Variants in RDH11 observed in about 807,000 individuals in gnomAD.
RDH11 encodes HCV core-binding protein HCBP12.
In RDH11, 19 loss-of-function variants were observed where a neutral mutation model predicts 33.4. The ratio of observed to expected loss-of-function variants is 0.57; its 90% CI spans 0.40 to 0.83. The LOEUF (loss-of-function observed/expected upper bound fraction) is 0.83. Among genes scored for constraint, RDH11 ranks in the 40% least tolerant of loss-of-function variants. The probability of loss-of-function intolerance (pLI) is 0.00; values close to 1 mark genes in which losing one functional copy is unlikely to be tolerated. For missense variants in RDH11, 353 were observed against 389.0 expected (o/e 0.91, Z 0.78); for synonymous variants, 154 against 155.3 (o/e 0.99, Z 0.06).
At position 67,678,495 on chromosome 14, in the gene RDH11, T is replaced by C. The variant is rs1349037595; in HGVS notation, c.855-72A>G. ...TCTGCCATCTGCCAGGGATAAGGAA[T>C]ATGACATAAAAACAACTAGGGATCA... On this transcript the variant is annotated intron_variant, in intron 6 of 6. Coordinates refer to ENST00000381346, the MANE Select transcript of RDH11 (RefSeq NM_016026.4). The C allele has an allele frequency of 1.6e-5, 16 of 1,020,882 alleles. No individual in the cohort carries two copies. In the East Asian group the frequency reaches 3.8e-4, roughly 25 times the overall value. 63.2% of individuals were successfully genotyped at this position (1,020,882 alleles called of 1,614,324 possible).
Position 67,690,490 on chromosome 14 carries a change from G to T in RDH11, c.455-69C>A, listed in dbSNP as rs1209816623. On this transcript the variant is annotated intron_variant, in intron 4 of 6. Transcript: ENST00000381346. ...GAATGACAGGAGTCGTGGTGAGCAG[G>T]CCTCACCTATGGGAGGCAGATAATT... is the stretch of plus-strand genomic sequence containing the variant. The T allele has an allele frequency of 4.5e-6, 6 of 1,323,260 alleles. No individual in the cohort carries two copies. The South Asian group carries it at 6.0e-5, about 13-fold the overall frequency. The allele number at this position is 1,323,260 out of a possible 1,614,324, so 82.0% of individuals were successfully genotyped here.
At position 67,690,207 on chromosome 14, in the gene RDH11, C is replaced by A. The variant is rs1337265786; in HGVS notation, c.664+5G>T. ...TGTCTCCACATTCATTTCCTCTAGG[C>A]CCACCTTTTAGTCTCCGGGCCAGTT... On this transcript the variant is annotated splice_donor_5th_base_variant and intron_variant, in intron 5 of 6. Coordinates refer to ENST00000381346, the MANE Select transcript of RDH11 (RefSeq NM_016026.4). 6.2e-7 allele frequency: 1 copy of A among 1,611,928 alleles called. No individual in the cohort carries two copies. Among genetic ancestry groups the A allele is most frequent in the Non-Finnish European group, 8.5e-7 (1 of 1,179,364 alleles).
chr14:67,677,195 G>T lies in RDH11; in HGVS notation c.*1126C>A, dbSNP rs1314793806. On this transcript the variant is annotated 3_prime_UTR_variant, in exon 7 of 7. Transcript: ENST00000381346. ...CCTTTGGCAGCATTACTTTTGATAA[G>T]AAGTCTCCAAATAAAATACAAAATT... 1.3e-5 allele frequency: 2 copies of T among 151,794 alleles called. No homozygotes were observed. The highest frequency in any genetic ancestry group is 4.8e-5 in the African/African-American group (2 of 41,386). 9.4% of individuals were successfully genotyped at this position (151,794 alleles called of 1,614,324 possible).
chr14:67,683,557 C>G (rs961216077), intron 6 of RDH11, among the ~76,000 whole-genome samples: 1 of 152,174 alleles, frequency 6.6e-6, no homozygotes, highest in African/African-American at 2.4e-5. Context: ...CACCTTTTCC[C>G]CTCAATATAG....
At chr14:67,691,275 T>C (rs2037747168) in intron 3 of RDH11, 31 bp from the exon 4 acceptor site, 2 of 1,527,320 alleles carry the variant, frequency 1.3e-6, no homozygotes, top group African/African-American at 1.4e-5. Context: ...AGCGTGGAAG[T>C]GGCTAGCCAA....
At position 67,677,337 on chromosome 14, in the gene RDH11, GTTTT is replaced by G. The variant is rs1231814480; in HGVS notation, c.*980_*983del. The G allele has an allele frequency of 8.5e-4, 20 of 23,454 alleles. No individual in the cohort carries two copies. The highest frequency in any genetic ancestry group is 5.4e-3 in the Admixed American group (16 of 2,978). The allele number at this position is 23,454 out of a possible 1,614,324, so 1.5% of individuals were successfully genotyped here. A position where few individuals can be genotyped will look rare whatever the true frequency, so the allele number is the denominator to read the frequency against. On this transcript the variant is annotated 3_prime_UTR_variant, in exon 7 of 7. Coordinates refer to ENST00000381346, the MANE Select transcript of RDH11 (RefSeq NM_016026.4). The stretch of plus-strand genomic sequence containing the variant: ...AGATAATTTTTCTGAATGAAGAATT[GTTTT>G]TTTTGTTTGTTTGTTTTTAGGATTT...
chr14:67,691,976 T>G (rs1226294202), intron 3 of RDH11: 1 of 156,420 alleles, frequency 6.4e-6, no homozygotes, highest in African/African-American at 2.4e-5. Context: ...CATCTATGTC[T>G]AAAGAGATGG....
intron 6 of RDH11, among the ~76,000 whole-genome samples, chr14:67,681,208 G>C (rs765645366): frequency 1.3e-5 from 2 of 152,228 alleles, no homozygotes; most frequent in Non-Finnish European, 2.9e-5. Context: ...GGCTCAGAGA[G>C]AAGGCATCCA....
rs372111179 is a variant in RDH11, at chr14:67,691,251, G to A, written c.350-7C>T. 1.7e-5 allele frequency: 28 copies of A among 1,606,038 alleles called. No individual in the cohort carries two copies. The highest frequency in any genetic ancestry group is 2.2e-5 in the Non-Finnish European group (26 of 1,173,274). ...ACGTGGAGGTGCTTTTCCTCTGCAG[G>A]GACAAGACGATGGAGCGTGGAAGTG... On this transcript the variant is annotated splice_region_variant and splice_polypyrimidine_tract_variant and intron_variant, in intron 3 of 6. Transcript: ENST00000381346.
In RDH11 at chr14:67,685,007, A is replaced by T. The variant is rs144181561; in HGVS notation, c.854+8T>A. 1.1e-4 allele frequency: 181 copies of T among 1,602,314 alleles called. No homozygotes were observed. In the African/African-American group the frequency reaches 1.4e-3, roughly 12 times the overall value. On this transcript the variant is annotated splice_region_variant and intron_variant, in intron 6 of 6. Coordinates refer to ENST00000381346, the MANE Select transcript of RDH11 (RefSeq NM_016026.4). Reference sequence around the variant, plus strand: ...AATCTCATCTGCAAAAAGAGATAACATTCATACCTGAAATGATTCCCACTT... The same window carrying T: ...AATCTCATCTGCAAAAAGAGATAACTTTCATACCTGAAATGATTCCCACTT...
chr14:67,678,503 A>G (rs2037572551), intron 6 of RDH11, 80 bp from the exon 7 acceptor site: 3 of 882,478 alleles, frequency 3.4e-6, no homozygotes, highest in Non-Finnish European at 5.6e-6. Flanking sequence ...AATATGACAT[A>G]AAAACAACTA....
chr14:67,693,857 G>C (rs900620111), intron 1 of RDH11, among the ~76,000 whole-genome samples: 1 of 152,016 alleles, frequency 6.6e-6, no homozygotes, highest in Non-Finnish European at 1.5e-5. Context: ...CACCACGCTG[G>C]CCAGGATGGT....
At chr14:67,679,495 C>G (rs542750178) in intron 6 of RDH11, among the ~76,000 whole-genome samples, 5 of 152,104 alleles carry the variant, frequency 3.3e-5, no homozygotes, top group African/African-American at 1.2e-4. Flanking sequence ...CCTCCGCCTC[C>G]CAGGTTTGAG....
intron 6 of RDH11, 75 bp downstream of exon 6, chr14:67,684,940 G>C (rs1594849107): frequency 1.6e-6 from 2 of 1,212,510 alleles, no homozygotes; most frequent in East Asian, 4.7e-5. Flanking sequence ...TTTTAAAAAA[G>C]GGTATACCCA....
rs752993895 is a variant in RDH11 at position 67,678,373 on chromosome 14, G to A, written c.905C>T (p.Ala302Val). Residue 302 changes from alanine to valine, a missense_variant, in exon 7 of 7, where the codon GCA becomes GTA. Transcript: ENST00000381346. The stretch of plus-strand genomic sequence containing the variant: ...ACAACTGACGTCCCACAGCCGCCTT[G>A]CTATAGTCTCATTACGAGCTTGGGC... ...VSAQARNETIARRLWDVSCDL... is the reference protein window; with the variant it reads ...VSAQARNETIVRRLWDVSCDL... 36 of 1,613,956 alleles carry A rather than the reference G, an allele frequency of 2.2e-5. No homozygotes were observed. The South Asian group carries it at 3.8e-4, about 17-fold the overall frequency.
At chr14:67,688,017 C>T (rs1029125940) in intron 5 of RDH11, among the ~76,000 whole-genome samples, 1 of 152,136 alleles carries the variant, frequency 6.6e-6, no homozygotes, top group Non-Finnish European at 1.5e-5. Context: ...AGGTGATCCA[C>T]CAGCCTCGGC....
intron 4 of RDH11, 23 bp from the exon 5 acceptor site, chr14:67,690,444 A>G (rs757848732): frequency 1.2e-6 from 2 of 1,606,674 alleles, no homozygotes; most frequent in Non-Finnish European, 1.7e-6. Flanking sequence ...ACTAGAATTA[A>G]TGAAGTTCAG....
rs1420084283 is a variant in RDH11 at position 67,678,351 on chromosome 14, A to G, written c.927T>C (p.Ser309=). 5 of 1,613,908 alleles carry G rather than the reference A, an allele frequency of 3.1e-6. No individual in the cohort carries two copies. The African/African-American group carries it at 4.0e-5, about 13-fold the overall frequency. ...ETIARRLWDV[S]CDLLGLPID ...CTATTGGGAGGCCCAGCAGGTCACA[A>G]CTGACGTCCCACAGCCGCCTTGCTA... Residue 309 remains serine, a synonymous_variant, in exon 7 of 7, where the codon AGT becomes AGC. Transcript: ENST00000381346.
In RDH11 at chr14:67,695,730, C is replaced by A. The variant is rs544325722; in HGVS notation, c.-27G>T. ...TCTGCCGGCTGCAGCGGCACCAGAG[C>A]GGGATGCTCCAGCGTTGCTCGCCGA... On this transcript the variant is annotated 5_prime_UTR_variant, in exon 1 of 7. Transcript: ENST00000381346. The A allele has an allele frequency of 6.2e-7, 1 of 1,610,174 alleles. No individual in the cohort carries two copies. The highest frequency in any genetic ancestry group is 8.5e-7 in the Non-Finnish European group (1 of 1,176,920).
Sources: gnomAD v4.1 joint callset for allele counts (sites outside exome capture counted in the v4.1 genomes callset) on GRCh38, gnomAD v4.1.1 for gene constraint, MANE v1.5 for transcripts, NCBI Gene and HGNC (gene_info 2026-07-23, HGNC 2026-07-21) for gene names.